Variants in ANKS3 observed in about 807,000 individuals in gnomAD.
ANKS3 encodes ankyrin repeat and SAM domain-containing protein 3.
Under a neutral mutation model 80.7 loss-of-function variants are expected in ANKS3, and 62 were observed. The ratio of observed to expected loss-of-function variants is 0.77; its 90% CI spans 0.63 to 0.95. The LOEUF is 0.95. ANKS3 is among the 40% of genes least tolerant of loss of function. ANKS3 has a pLI of 0.00. For missense variants in ANKS3, 1,150 were observed against 883.6 expected (o/e 1.30, Z -3.82); for synonymous variants, 489 against 355.3 (o/e 1.38, Z -4.23).
intron 7 of ANKS3, among the ~76,000 whole-genome samples, chr16:4,708,659 G>A (rs999051834): frequency 1.6e-4 from 24 of 152,140 alleles, no homozygotes; most frequent in Admixed American, 1.2e-3. Context: ...AAGAGGCTGC[G>A]CACGGTGGCT....
intron 7 of ANKS3, among the ~76,000 whole-genome samples, chr16:4,706,267 G>A (rs1234533838): frequency 6.6e-6 from 1 of 151,226 alleles, no homozygotes; most frequent in Non-Finnish European, 1.5e-5. Context: ...GTCTTGCTCT[G>A]TCACCCAGGC....
At chr16:4,710,231 T>C (rs1389399318) in intron 7 of ANKS3, among the ~76,000 whole-genome samples, 1 of 152,182 alleles carries the variant, frequency 6.6e-6, no homozygotes, top group Non-Finnish European at 1.5e-5. Flanking sequence ...CAACAGCTTA[T>C]ACCTCAAAAT....
Position 4,726,279 on chromosome 16 carries a change from T to C in ANKS3, c.491+380A>G, listed in dbSNP as rs762223010. ...GCGTGAGCCACCACGCCCGGCCTCATGACTGTTTCAAAGCATCACCTCACC... is the reference window on the plus strand; with the variant it reads ...GCGTGAGCCACCACGCCCGGCCTCACGACTGTTTCAAAGCATCACCTCACC... On this transcript the variant is annotated intron_variant, in intron 5 of 17. Transcript: ENST00000304283. Among the ~76,000 whole-genome samples the C allele has an allele frequency of 5.3e-5, 8 of 152,132 alleles. No individual in the cohort carries two copies. In the South Asian group the frequency reaches 6.2e-4, roughly 12 times the overall value.
chr16:4,701,706 A>C, intron 9 of ANKS3, 163 bp from the exon 10 acceptor site: 2 of 578,812 alleles, frequency 3.5e-6, no homozygotes, highest in East Asian at 3.0e-5. Flanking sequence ...TCCCCTCTAT[A>C]CAGACGGGCA....
intron 6 of ANKS3, among the ~76,000 whole-genome samples, chr16:4,719,051 T>C (rs1596415284): frequency 6.6e-6 from 1 of 152,176 alleles, no homozygotes; most frequent in Non-Finnish European, 1.5e-5. Context: ...ATGCAAATTG[T>C]TGGCCAAGCA....
rs541822228 is a variant in ANKS3 at position 4,696,761 on chromosome 16, T to C, written c.*147A>G. The C allele has an allele frequency of 3.7e-3, 2,065 of 551,218 alleles. 66 individuals carry two copies. In the South Asian group the frequency reaches 0.041, roughly 11 times the overall value. The allele number at this position is 551,218 out of a possible 1,614,324, so 34.1% of individuals were successfully genotyped here. A position where few individuals can be genotyped will look rare whatever the true frequency, so the allele number is the denominator to read the frequency against. On this transcript the variant is annotated 3_prime_UTR_variant, in exon 18 of 18. Coordinates refer to ENST00000304283, the MANE Select transcript of ANKS3 (RefSeq NM_133450.4). Reference sequence around the variant, plus strand: ...AGGGCCGCAGCCCCCGTCTTGCCTCTGTCTGCCGGCTGCTCCCGGGGCCTG... The same window carrying C: ...AGGGCCGCAGCCCCCGTCTTGCCTCCGTCTGCCGGCTGCTCCCGGGGCCTG...
At chr16:4,710,436 A>G (rs1042622310) in intron 7 of ANKS3, among the ~76,000 whole-genome samples, 1 of 152,314 alleles carries the variant, frequency 6.6e-6, no homozygotes, top group Non-Finnish European at 1.5e-5. Flanking sequence ...GGTCAGGTGC[A>G]GTAGCTCATG....
At chr16:4,717,865 G>A (rs1343517962) in intron 6 of ANKS3, among the ~76,000 whole-genome samples, 9 of 151,486 alleles carry the variant, frequency 5.9e-5, no homozygotes, top group African/African-American at 2.2e-4. Context: ...GCGCAATCTC[G>A]GCTCACTGCA....
intron 6 of ANKS3, 68 bp from the exon 7 acceptor site, chr16:4,714,254 G>A: frequency 6.3e-7 from 1 of 1,587,202 alleles, no homozygotes. Context: ...TGGGCTGCTG[G>A]CTGGGAAGAC....
intron 16 of ANKS3, 88 bp from the exon 17 acceptor site, chr16:4,697,192 C>T: frequency 6.4e-7 from 1 of 1,565,092 alleles, no homozygotes; most frequent in South Asian, 1.1e-5. Flanking sequence ...AGGATGTGAC[C>T]TGCCCCTCAC....
At chr16:4,727,205 T>G (rs748863088) in intron 3 of ANKS3, 28 bp from the exon 4 acceptor site, 1 of 1,609,844 alleles carries the variant, frequency 6.2e-7, no homozygotes, top group Non-Finnish European at 8.5e-7. Flanking sequence ...ATGCTAGACA[T>G]GGCCAGCCGC....
At chr16:4,710,477 G>A (rs1484564655) in intron 7 of ANKS3, among the ~76,000 whole-genome samples, 1 of 152,158 alleles carries the variant, frequency 6.6e-6, no homozygotes, top group Non-Finnish European at 1.5e-5. Flanking sequence ...GGAGGCTGAG[G>A]CGGGTGGATT....
rs1596333747 is a variant in ANKS3 at position 4,696,554 on chromosome 16, G to A, written c.*354C>T. ...ATTTTCCAAAAAATGGCATTTTCCA[G>A]GTGCCCCAGTCCTCATTCCTAAGGT... is the stretch of plus-strand genomic sequence containing the variant. On this transcript the variant is annotated 3_prime_UTR_variant, in exon 18 of 18. Transcript: ENST00000304283. The A allele has an allele frequency of 5.8e-6, 1 of 172,864 alleles. No homozygotes were observed. The highest frequency in any genetic ancestry group is 1.7e-4 in the East Asian group (1 of 5,930). The allele number at this position is 172,864 out of a possible 1,614,324, so 10.7% of individuals were successfully genotyped here. A position where few individuals can be genotyped will look rare whatever the true frequency, so the allele number is the denominator to read the frequency against.
chr16:4,704,377 G>GC (rs1309538591), intron 8 of ANKS3, among the ~76,000 whole-genome samples: 1 of 152,164 alleles, frequency 6.6e-6, no homozygotes, highest in East Asian at 1.9e-4. Context: ...TGTGAGACCA[G>GC]CAGCCTTGGC....
At position 4,728,329 on chromosome 16, in the gene ANKS3, C is replaced by A. The variant is rs527436133; in HGVS notation, c.171-1152G>T. The stretch of plus-strand genomic sequence containing the variant: ...CAAAGTGCTGGATTACAGGCGTGAG[C>A]CACCGCGCCCAGCCGGGATTCACAT... On this transcript the variant is annotated intron_variant, in intron 3 of 17. Coordinates refer to ENST00000304283, the MANE Select transcript of ANKS3 (RefSeq NM_133450.4). Among the ~76,000 whole-genome samples, 12 of 152,266 alleles carry A rather than the reference C, an allele frequency of 7.9e-5. No individual in the cohort carries two copies. In the East Asian group the frequency reaches 1.5e-3, roughly 20 times the overall value.
In ANKS3 at chr16:4,726,695, C is replaced by G; in HGVS notation, c.455G>C (p.Arg152Thr). The G allele has an allele frequency of 6.2e-7, 1 of 1,614,236 alleles. No homozygotes were observed. The highest frequency in any genetic ancestry group is 8.5e-7 in the Non-Finnish European group (1 of 1,180,032). Reference sequence around the variant, plus strand: ...ATTGGCTCCACTGTCCAAGAGGAACCTGACCATGTGCTGGTGCCCGGCGCT... The same window carrying G: ...ATTGGCTCCACTGTCCAAGAGGAACGTGACCATGTGCTGGTGCCCGGCGCT... ...CTSAGHQHMV[R>T]FLLDSGANAN... is the part of the protein sequence containing the mutation. The change falls in exon 5 of 18, where the codon AGG (arginine) becomes ACG (threonine). Residue 152 changes from arginine (R) to threonine (T), a missense_variant. Physicochemically the swap from Arg to Thr is moderately conservative, Grantham distance 71. Coordinates refer to ENST00000304283, the MANE Select transcript of ANKS3 (RefSeq NM_133450.4).
intron 6 of ANKS3, among the ~76,000 whole-genome samples, chr16:4,723,481 G>A (rs1323122143): frequency 6.6e-6 from 1 of 152,016 alleles, no homozygotes; most frequent in Non-Finnish European, 1.5e-5. Flanking sequence ...GGAGTGTGGC[G>A]GCGCAATCAT....
chr16:4,727,955 A>C (rs2081437331), intron 3 of ANKS3: 1 of 152,452 alleles, frequency 6.6e-6, no homozygotes, highest in African/African-American at 2.4e-5. Context: ...GTTAACGCCC[A>C]CAGGCCTTCT....
rs188891511 is a variant in ANKS3 at position 4,701,578 on chromosome 16, C to T, written c.1010-35G>A. ...GGAAGACAGGGCGTCCGCCTGCAGC[C>T]CTCACCGAGGTGCTGCGCATGGGCG... On this transcript the variant is annotated intron_variant, in intron 9 of 17. Coordinates refer to ENST00000304283, the MANE Select transcript of ANKS3 (RefSeq NM_133450.4). 2.7e-4 allele frequency: 427 copies of T among 1,572,374 alleles called. No individual in the cohort carries two copies. The African/African-American group carries it at 5.2e-3, about 19-fold the overall frequency.
Sources: allele counts gnomAD v4.1 joint callset (sites outside exome capture counted in the v4.1 genomes callset), GRCh38; gene constraint gnomAD v4.1.1; transcripts MANE v1.5; gene names NCBI Gene and HGNC (gene_info 2026-07-23, HGNC 2026-07-21).